Variants in ITGB6 observed in about 807,000 individuals in gnomAD.
ITGB6 encodes integrin subunit beta 6.
Under a neutral mutation model 84.5 loss-of-function variants are expected in ITGB6, and 80 were observed. The observed-to-expected ratio is 0.95, with a 90% CI of 0.79 to 1.14. The LOEUF (loss-of-function observed/expected upper bound fraction) is 1.14, where lower values mean the gene tolerates loss of function less well. Ranked by LOEUF, ITGB6 falls within the 50% of genes most tolerant of loss-of-function variation. The probability of loss-of-function intolerance (pLI) is 0.00; values close to 1 mark genes in which losing one functional copy is unlikely to be tolerated. For synonymous variants in ITGB6, 383 were observed against 354.9 expected, an observed-to-expected ratio of 1.08 and a Z score of -0.89; for missense variants, 1,006 against 968.0, an observed-to-expected ratio of 1.04 and a Z score of -0.52.
chr2:160,146,054 C>T (rs1299335338), intron 7 of ITGB6, among the ~76,000 whole-genome samples: 1 of 152,110 alleles, frequency 6.6e-6, no homozygotes, highest in Non-Finnish European at 1.5e-5. Flanking sequence ...CTCAGAGACC[C>T]CTCCTACCTC....
chr2:160,119,666 G>T (rs947959344), intron 12 of ITGB6, among the ~76,000 whole-genome samples: 1 of 152,126 alleles, frequency 6.6e-6, no homozygotes, highest in Admixed American at 6.5e-5. Context: ...ATTAACAAAT[G>T]GGATCTAATT....
chr2:160,124,017 T>C (rs1683142512), intron 11 of ITGB6, 129 bp from the exon 12 acceptor site: 1 of 609,120 alleles, frequency 1.6e-6, no homozygotes, highest in South Asian at 2.2e-5. Flanking sequence ...TTATCTTTTG[T>C]TACTTTCAAA....
intron 8 of ITGB6, among the ~76,000 whole-genome samples, chr2:160,139,616 A>G (rs1486391434): frequency 6.6e-6 from 1 of 152,246 alleles, no homozygotes; most frequent in Non-Finnish European, 1.5e-5. Flanking sequence ...ACCTAAATAA[A>G]GGAAATTTCA....
At chr2:160,184,354 T>G (rs1559217239) in intron 4 of ITGB6, among the ~76,000 whole-genome samples, 1 of 152,190 alleles carries the variant, frequency 6.6e-6, no homozygotes, top group African/African-American at 2.4e-5. Context: ...TAAACACCTC[T>G]ATGCAAATAA....
chr2:160,187,942 A>G (rs1005478861), intron 4 of ITGB6, among the ~76,000 whole-genome samples: 1 of 152,178 alleles, frequency 6.6e-6, no homozygotes, highest in Non-Finnish European at 1.5e-5. Context: ...CCACTAGATT[A>G]AAATAACTAG....
chr2:160,170,706 G>A (rs1373141244), intron 6 of ITGB6, among the ~76,000 whole-genome samples: 1 of 152,228 alleles, frequency 6.6e-6, no homozygotes, highest in Non-Finnish European at 1.5e-5. Flanking sequence ...CACAGGAAGT[G>A]CTCAGAGGAC....
intron 7 of ITGB6, among the ~76,000 whole-genome samples, chr2:160,147,086 A>G (rs901335350): frequency 4.9e-5 from 7 of 141,990 alleles, no homozygotes; most frequent in Non-Finnish European, 1.1e-4. Context: ...CTTGCCTCAG[A>G]AAAAAAAAAA....
At chr2:160,159,054 G>A (rs934610097) in intron 7 of ITGB6, among the ~76,000 whole-genome samples, 10 of 149,470 alleles carry the variant, frequency 6.7e-5, no homozygotes, top group African/African-American at 2.2e-4. Context: ...AGCTGAGATC[G>A]CACCACTACA....
intron 4 of ITGB6, among the ~76,000 whole-genome samples, chr2:160,179,374 T>G (rs974353059): frequency 3.3e-5 from 5 of 150,696 alleles, no homozygotes; most frequent in African/African-American, 1.2e-4. Flanking sequence ...AGCATTTCTT[T>G]TCTTTTTTTC....
intron 7 of ITGB6, among the ~76,000 whole-genome samples, chr2:160,154,402 G>A (rs781753255): frequency 4.7e-5 from 7 of 150,050 alleles, no homozygotes; most frequent in South Asian, 2.2e-4. Context: ...TTGGACCCAG[G>A]AAGGGGAACA....
chr2:160,180,568 G>A (rs1234365813), intron 4 of ITGB6, among the ~76,000 whole-genome samples: 1 of 152,170 alleles, frequency 6.6e-6, no homozygotes, highest in East Asian at 1.9e-4. Flanking sequence ...AGACCCATGA[G>A]GGTCCCTGAG....
intron 2 of ITGB6, 114 bp downstream of exon 2, chr2:160,199,065 T>A: frequency 1.3e-6 from 1 of 767,792 alleles, no homozygotes; most frequent in Non-Finnish European, 2.2e-6. Flanking sequence ...CTGATTTGTT[T>A]TACTTATACA....
rs570558133 is a variant in ITGB6 at position 160,108,154 on chromosome 2, A to G, written c.2102-309T>C. On this transcript the variant is annotated intron_variant, in intron 13 of 14. Coordinates refer to ENST00000283249, the MANE Select transcript of ITGB6 (RefSeq NM_000888.5). ...ACATGGAATATTTAAAGGATTAAGA[A>G]AAAGACTAGTTTAATCACTAAACAT... Among the ~76,000 whole-genome samples the G allele has an allele frequency of 9.2e-5, 14 of 152,100 alleles. No homozygotes were observed. In the South Asian group the frequency reaches 2.7e-3, roughly 29 times the overall value.
At chr2:160,141,291 C>A (rs2105824091) in intron 8 of ITGB6, among the ~76,000 whole-genome samples, 1 of 151,468 alleles carries the variant, frequency 6.6e-6, no homozygotes, top group African/African-American at 2.4e-5. Flanking sequence ...ATTTAGGAAC[C>A]AAAATTAAAA....
At chr2:160,112,706 G>A (rs1284992013) in intron 12 of ITGB6, among the ~76,000 whole-genome samples, 1 of 151,880 alleles carries the variant, frequency 6.6e-6, no homozygotes, top group Non-Finnish European at 1.5e-5. Context: ...TGAGACTGAA[G>A]CATTATGTAG....
rs1281708144 is a variant in ITGB6, at chr2:160,101,349, T to A, written c.*387A>T. The A allele has an allele frequency of 4.8e-6, 1 of 210,374 alleles. No homozygotes were observed. The highest frequency in any genetic ancestry group is 1.7e-4 in the East Asian group (1 of 6,044). 13.0% of individuals were successfully genotyped at this position (210,374 alleles called of 1,614,324 possible). A position where few individuals can be genotyped will look rare whatever the true frequency, so the allele number is the denominator to read the frequency against. On this transcript the variant is annotated 3_prime_UTR_variant, in exon 15 of 15. Transcript: ENST00000283249. ...TTAATTGGCAAGTATAGACACACAA[T>A]GTGAGTATATGGGCTTTGTGACTTT...
At chr2:160,112,376 G>A (rs1349842871) in intron 12 of ITGB6, among the ~76,000 whole-genome samples, 177 bp from the exon 13 acceptor site, 6 of 151,516 alleles carry the variant, frequency 4.0e-5, no homozygotes, top group Admixed American at 2.0e-4. Flanking sequence ...TTTCACTCAC[G>A]TTCCAGAAGA....
chr2:160,102,243 A>G (rs1696750038), intron 14 of ITGB6, among the ~76,000 whole-genome samples: 1 of 152,230 alleles, frequency 6.6e-6, no homozygotes, highest in Admixed American at 6.5e-5. Context: ...AAACAGGAAA[A>G]GTGAAACCAG....
chr2:160,114,368 AT>A (rs1397490456), intron 12 of ITGB6, among the ~76,000 whole-genome samples: 1 of 152,182 alleles, frequency 6.6e-6, no homozygotes, highest in Non-Finnish European at 1.5e-5. Context: ...TCCTTTGTGA[AT>A]GTCTACAGTG....
Sources: allele counts gnomAD v4.1 joint callset (sites outside exome capture counted in the v4.1 genomes callset), GRCh38; gene constraint gnomAD v4.1.1; transcripts MANE v1.5; gene names NCBI Gene and HGNC (gene_info 2026-07-23, HGNC 2026-07-21).